Variants in PRDM16 observed in about 807,000 individuals in gnomAD.
PRDM16 encodes the protein PR/SET domain 16.
Under a neutral mutation model 110.6 loss-of-function variants are expected in PRDM16, and 23 were observed. The observed-to-expected ratio is 0.21, with a 90% CI of 0.15 to 0.29. The LOEUF is 0.29. Among genes scored for constraint, PRDM16 ranks in the 10% least tolerant of loss-of-function variants. The probability of loss-of-function intolerance (pLI) is 1.00; values close to 1 mark genes in which losing one functional copy is unlikely to be tolerated. For synonymous variants in PRDM16, 799 were observed against 781.8 expected (o/e 1.02, Z -0.37); for missense variants, 1,615 against 1,794.3 (o/e 0.90, Z 1.81).
chr1:3,341,159 A>G (rs1240825051), intron 3 of PRDM16, among the ~76,000 whole-genome samples: 1 of 152,122 alleles, frequency 6.6e-6, no homozygotes, highest in African/African-American at 2.4e-5. Flanking sequence ...TCCAGGCCAC[A>G]GAGGATGTAG....
Position 3,411,422 on chromosome 1 carries a change from C to T in PRDM16, c.1225C>T (p.Leu409=), listed in dbSNP as rs1374318493. The T allele has an allele frequency of 1.2e-6, 2 of 1,613,928 alleles. No homozygotes were observed. Among genetic ancestry groups the T allele is most frequent in the African/African-American group, 2.7e-5 (2 of 74,926 alleles). ...CHKSYTQFSN[L]CRHKRMHADC... is the part of the protein sequence containing the mutation. ...CAAGTCCTACACGCAGTTCTCCAAC[C>T]TGTGCCGGCACAAGCGGATGCACGC... is the stretch of plus-strand genomic sequence containing the variant. Residue 409 remains leucine, a synonymous_variant, in exon 9 of 17, where the codon CTG becomes TTG. Coordinates refer to ENST00000270722, the MANE Select transcript of PRDM16 (RefSeq NM_022114.4).
chr1:3,129,986 G>C (rs1186333827), intron 1 of PRDM16, among the ~76,000 whole-genome samples: 1 of 152,194 alleles, frequency 6.6e-6, no homozygotes, highest in Non-Finnish European at 1.5e-5. Context: ...GGGCCAAGGC[G>C]ACCAGCTGGG....
intron 2 of PRDM16, among the ~76,000 whole-genome samples, chr1:3,217,709 T>C (rs1639062046): frequency 6.6e-6 from 1 of 152,186 alleles, no homozygotes. Flanking sequence ...GTGCCGTGCA[T>C]CCCGGTAGAT....
At chr1:3,282,732 C>A (rs1250605785) in intron 3 of PRDM16, among the ~76,000 whole-genome samples, 1 of 152,196 alleles carries the variant, frequency 6.6e-6, no homozygotes, top group East Asian at 1.9e-4. Flanking sequence ...CGAAGCTCCT[C>A]AGGCAGCTTC....
At chr1:3,303,381 G>A (rs1007526962) in intron 3 of PRDM16, among the ~76,000 whole-genome samples, 6 of 152,064 alleles carry the variant, frequency 3.9e-5, no homozygotes, top group Non-Finnish European at 7.3e-5. Flanking sequence ...GTTTTGCCAC[G>A]GTGAACACGC....
chr1:3,425,842 G>T lies in PRDM16; in HGVS notation c.3109+92G>T. ...GGAACAGCAGGGGAGTGGGCGCCGGGCAGGGAAGAGGGCCACAGACTACCC... is the reference window on the plus strand; with the variant it reads ...GGAACAGCAGGGGAGTGGGCGCCGGTCAGGGAAGAGGGCCACAGACTACCC... On this transcript the variant is annotated intron_variant, in intron 13 of 16. Transcript: ENST00000270722. The surrounding 1 kb of genome is among the most constrained non-coding windows in gnomAD (Gnocchi z 6.9). 8 of 1,498,114 alleles carry T rather than the reference G, an allele frequency of 5.3e-6. No individual in the cohort carries two copies. The highest frequency in any genetic ancestry group is 7.3e-6 in the Non-Finnish European group (8 of 1,096,502). The allele number at this position is 1,498,114 out of a possible 1,614,324, so 92.8% of individuals were successfully genotyped here.
chr1:3,089,272 G>A (rs995016468), intron 1 of PRDM16, among the ~76,000 whole-genome samples: 1 of 152,236 alleles, frequency 6.6e-6, no homozygotes, highest in Non-Finnish European at 1.5e-5. Context: ...CCCAGCTCCC[G>A]CACAATAGGG....
intron 3 of PRDM16, among the ~76,000 whole-genome samples, chr1:3,346,322 T>C (rs1396585566): frequency 1.3e-5 from 2 of 152,108 alleles, no homozygotes. Context: ...GGCTGGGGGC[T>C]TGGGGGCTTC....
At chr1:3,235,499 C>G (rs1377473430) in intron 2 of PRDM16, among the ~76,000 whole-genome samples, 1 of 152,134 alleles carries the variant, frequency 6.6e-6, no homozygotes, top group African/African-American at 2.4e-5. Context: ...CCCCTGTGCT[C>G]GGGGACAGGG....
chr1:3,307,487 C>T (rs1299888900), intron 3 of PRDM16: 1 of 152,152 alleles, frequency 6.6e-6, no homozygotes, highest in Non-Finnish European at 1.5e-5. Flanking sequence ...GGAGAAAATT[C>T]AAAATTAAAC....
rs1403866401 is a variant in PRDM16 at position 3,157,141 on chromosome 1, C to T, written c.38-28984C>T. Among the ~76,000 whole-genome samples, 3 of 152,152 alleles carry T rather than the reference C, an allele frequency of 2.0e-5. No individual in the cohort carries two copies. The highest frequency in any genetic ancestry group is 2.9e-5 in the Non-Finnish European group (2 of 68,020). On this transcript the variant is annotated intron_variant, in intron 1 of 16. Transcript: ENST00000270722. The surrounding 1 kb of genome is among the most constrained non-coding windows in gnomAD (Gnocchi z 4.8). ...AGGGAGTGTTAGCACCTGCCGGGCT[C>T]AGCCTGGGCGGCTCAGAGGGCGGGA...
chr1:3,196,350 C>T (rs1360199945), intron 2 of PRDM16, among the ~76,000 whole-genome samples: 1 of 152,256 alleles, frequency 6.6e-6, no homozygotes, highest in African/African-American at 2.4e-5. Context: ...TCACTACAGC[C>T]GATGGCCCTC....
intron 12 of PRDM16, among the ~76,000 whole-genome samples, chr1:3,420,042 G>C (rs955402455): frequency 3.9e-5 from 6 of 152,096 alleles, no homozygotes; most frequent in Non-Finnish European, 7.4e-5. Context: ...TCTGTAATGA[G>C]AGCCGACTTC....
chr1:3,293,483 T>C (rs755155784), intron 3 of PRDM16, among the ~76,000 whole-genome samples: 1 of 152,212 alleles, frequency 6.6e-6, no homozygotes, highest in Non-Finnish European at 1.5e-5. Context: ...GAAGGCGCGA[T>C]GGCCAGGGGC....
At chr1:3,360,791 G>A (rs1642698048) in intron 3 of PRDM16, among the ~76,000 whole-genome samples, 1 of 152,212 alleles carries the variant, frequency 6.6e-6, no homozygotes, top group Admixed American at 6.5e-5. Flanking sequence ...GATGACAACA[G>A]GAGCGGAAGA....
chr1:3,305,606 G>GTCAACATAGC (rs1641295821), intron 3 of PRDM16, among the ~76,000 whole-genome samples: 1 of 151,262 alleles, frequency 6.6e-6, no homozygotes. Flanking sequence ...AAAATCCTTC[G>GTCAACATAGC]TGGAGTCAAC....
intron 3 of PRDM16, among the ~76,000 whole-genome samples, chr1:3,259,250 G>A (rs1179913579): frequency 1.3e-5 from 2 of 152,194 alleles, no homozygotes; most frequent in Non-Finnish European, 2.9e-5. Context: ...GGCAGGCGCC[G>A]GAAGCAGAAG....
intron 5 of PRDM16, among the ~76,000 whole-genome samples, chr1:3,399,410 T>C (rs2100635479): frequency 6.6e-6 from 1 of 152,296 alleles, no homozygotes; most frequent in East Asian, 1.9e-4. Flanking sequence ...CCCCCGTTTC[T>C]GGCCCCTCCA....
At chr1:3,200,967 A>G (rs1489820395) in intron 2 of PRDM16, among the ~76,000 whole-genome samples, 1 of 141,972 alleles carries the variant, frequency 7.0e-6, no homozygotes, top group Non-Finnish European at 1.5e-5. Flanking sequence ...AAGAGGGAGA[A>G]GAGGAGGAGG....
Sources: allele counts gnomAD v4.1 joint callset (sites outside exome capture counted in the v4.1 genomes callset), GRCh38; gene constraint gnomAD v4.1.1; non-coding constraint Gnocchi (gnomAD v3.1); transcripts MANE v1.5; gene names NCBI Gene and HGNC (gene_info 2026-07-23, HGNC 2026-07-21).